EFHC2: variants seen among roughly 807,000 people sequenced by gnomAD.
EFHC2 encodes the protein EF-hand domain containing 2.
In EFHC2, 18 loss-of-function variants were observed where a neutral mutation model predicts 52.7. The ratio of observed to expected loss-of-function variants is 0.34; its 90% CI spans 0.24 to 0.51. The LOEUF is 0.51. EFHC2 is among the 20% of genes least tolerant of loss of function. The probability of loss-of-function intolerance (pLI) is 0.97; values close to 1 mark genes in which losing one functional copy is unlikely to be tolerated. For missense variants in EFHC2, 513 were observed against 562.5 expected (o/e 0.91, Z 0.89); for synonymous variants, 203 against 204.1 (o/e 0.99, Z 0.04).
chrX:44,158,622 T>A, intron 14 of EFHC2, among the ~76,000 whole-genome samples: 1 of 110,804 alleles, frequency 9.0e-6, no homozygotes, highest in East Asian at 2.9e-4. Context: ...TATGGAAGAC[T>A]CCCCAAACGT....
chrX:44,221,366 C>G (rs761647517), intron 11 of EFHC2, among the ~76,000 whole-genome samples: 2 of 111,635 alleles, frequency 1.8e-5, no homozygotes, highest in African/African-American at 6.5e-5. Context: ...TTCTAGTTGA[C>G]TGTCACCAAA....
chrX:44,310,373 G>A, intron 2 of EFHC2: 4 of 931,153 alleles, frequency 4.3e-6, no homozygotes, highest in African/African-American at 1.9e-5. Flanking sequence ...GCTCAGGGCC[G>A]GCGGCCTGTT....
At chrX:44,262,242 CCCA>C (rs1428688987) in intron 3 of EFHC2, among the ~76,000 whole-genome samples, 1 of 109,967 alleles carries the variant, frequency 9.1e-6, no homozygotes, top group Non-Finnish European at 1.9e-5. Context: ...TGCCTGTAAT[CCCA>C]CCACTTTTGG....
intron 2 of EFHC2, among the ~76,000 whole-genome samples, chrX:44,300,344 T>G (rs2037859467): frequency 9.0e-6 from 1 of 111,491 alleles, no homozygotes; most frequent in African/African-American, 3.3e-5. Flanking sequence ...TAGTCATCTG[T>G]AAGACAAGAA....
intron 2 of EFHC2, among the ~76,000 whole-genome samples, chrX:44,286,417 A>T (rs920609830): frequency 2.7e-5 from 3 of 112,107 alleles, no homozygotes; most frequent in Admixed American, 9.5e-5. Flanking sequence ...TTTTCGTAAG[A>T]CTTCTGTTTC....
chrX:44,226,831 C>T (rs779257376), intron 11 of EFHC2, among the ~76,000 whole-genome samples: 17 of 107,858 alleles, frequency 1.6e-4, no homozygotes, highest in Non-Finnish European at 3.1e-4. Context: ...CACCATGGCA[C>T]GTGTATACCT....
rs761845993 is a variant in EFHC2 at position 44,334,624 on chromosome X, C to T, written c.42+8923G>A. On this transcript the variant is annotated intron_variant, in intron 1 of 14. Transcript: ENST00000420999. Reference sequence around the variant, plus strand: ...CCGAGTAGCTGGGATTACAGGCATGCGCCACCACGCCCGGCTAGTTTTGTA... The same window carrying T: ...CCGAGTAGCTGGGATTACAGGCATGTGCCACCACGCCCGGCTAGTTTTGTA... Among the ~76,000 whole-genome samples, 10 of 111,435 alleles carry T rather than the reference C, an allele frequency of 9.0e-5. No homozygotes were observed. The East Asian group carries it at 2.3e-3, about 25-fold the overall frequency.
intron 2 of EFHC2, among the ~76,000 whole-genome samples, chrX:44,297,896 A>G (rs1477505753): frequency 1.8e-5 from 2 of 108,225 alleles, no homozygotes; most frequent in Admixed American, 2.0e-4. Flanking sequence ...AATGGATGAA[A>G]GTAAAGAGAA....
chrX:44,194,710 G>T (rs1334622478), intron 11 of EFHC2, among the ~76,000 whole-genome samples: 2 of 111,579 alleles, frequency 1.8e-5, no homozygotes, highest in Non-Finnish European at 3.8e-5. Flanking sequence ...AACAAAATGG[G>T]GGAGCTGGTT....
intron 2 of EFHC2, among the ~76,000 whole-genome samples, chrX:44,283,583 C>T (rs1342763387): frequency 1.0e-5 from 1 of 100,245 alleles, no homozygotes; most frequent in East Asian, 3.1e-4. Context: ...AAAATCAGAC[C>T]ATTTGGGACA....
intron 11 of EFHC2, among the ~76,000 whole-genome samples, chrX:44,211,212 G>C (rs1021527212): frequency 2.7e-5 from 3 of 112,168 alleles, no homozygotes; most frequent in African/African-American, 9.7e-5. Context: ...TGGTAAAAAA[G>C]AAAAATATAC....
chrX:44,298,888 C>T (rs1184755206), intron 2 of EFHC2, among the ~76,000 whole-genome samples: 2 of 100,510 alleles, frequency 2.0e-5, no homozygotes, highest in African/African-American at 3.6e-5. Context: ...AAAAAAAAGG[C>T]TCATTTTATT....
At chrX:44,210,233 T>C (rs2037085127) in intron 11 of EFHC2, among the ~76,000 whole-genome samples, 1 of 111,579 alleles carries the variant, frequency 9.0e-6, no homozygotes, top group Non-Finnish European at 1.9e-5. Flanking sequence ...ACCACGTTCA[T>C]TAGTCAAAAG....
rs375530345 is a variant in EFHC2 at position 44,236,439 on chromosome X, T to C, written c.1281-992A>G. On this transcript the variant is annotated intron_variant, in intron 8 of 14. Coordinates refer to ENST00000420999, the MANE Select transcript of EFHC2 (RefSeq NM_025184.4). ...GAGGTACACAGGAGAATAAACCATG[T>C]CCTCTGTCACAACTCTAAGCAGAGA... Among the ~76,000 whole-genome samples the C allele has an allele frequency of 8.0e-5, 9 of 112,458 alleles. No homozygotes were observed. In the East Asian group the frequency reaches 8.4e-4, roughly 11 times the overall value.
intron 11 of EFHC2, 33 bp downstream of exon 11, chrX:44,229,616 A>C (rs1234980661): frequency 1.7e-6 from 2 of 1,206,339 alleles, no homozygotes; most frequent in Non-Finnish European, 2.2e-6. Flanking sequence ...CCTTGAGGGG[A>C]AAACAGGTGA....
intron 14 of EFHC2, among the ~76,000 whole-genome samples, chrX:44,159,746 T>C (rs1036758045): frequency 2.7e-5 from 3 of 112,873 alleles, no homozygotes; most frequent in Admixed American, 9.3e-5. Context: ...GAAGCACAGC[T>C]GTTTCTGATG....
chrX:44,218,790 C>T (rs1347657860), intron 11 of EFHC2, among the ~76,000 whole-genome samples: 1 of 112,019 alleles, frequency 8.9e-6, no homozygotes, highest in Non-Finnish European at 1.9e-5. Context: ...TTTCTCAAAA[C>T]ACTAAACACA....
At chrX:44,283,739 A>C (rs775441166) in intron 2 of EFHC2, among the ~76,000 whole-genome samples, 32 of 102,319 alleles carry the variant, frequency 3.1e-4, no homozygotes, top group African/African-American at 1.2e-3. Context: ...CATTTGGGAC[A>C]GTCTTAGGAG....
At chrX:44,168,132 C>A (rs1180608111) in intron 13 of EFHC2, among the ~76,000 whole-genome samples, 1 of 111,313 alleles carries the variant, frequency 9.0e-6, no homozygotes, top group East Asian at 2.8e-4. Flanking sequence ...AGAGTCCAGT[C>A]GATTTGGCCC....
Sources: allele counts gnomAD v4.1 joint callset (sites outside exome capture counted in the v4.1 genomes callset), GRCh38; gene constraint gnomAD v4.1.1; transcripts MANE v1.5; gene names NCBI Gene and HGNC (gene_info 2026-07-23, HGNC 2026-07-21).